The following CCDC83 variants were observed in gnomAD, a reference collection of about 807,000 sequenced individuals.
CCDC83 encodes coiled-coil domain containing 83.
Under a neutral mutation model 50.1 loss-of-function variants are expected in CCDC83, and 54 were observed. That is an observed-to-expected ratio of 1.08 (90% CI 0.87 to 1.35). The LOEUF (loss-of-function observed/expected upper bound fraction) is 1.35, where lower values mean the gene tolerates loss of function less well. Ranked by LOEUF, CCDC83 falls within the 40% of genes most tolerant of loss-of-function variation. The pLI, the probability that CCDC83 is intolerant of heterozygous loss-of-function variation, is 0.00. For missense variants in CCDC83, 518 were observed against 473.9 expected (o/e 1.09, Z -0.86); for synonymous variants, 161 against 153.3 (o/e 1.05, Z -0.37).
intron 7 of CCDC83, 152 bp from the exon 8 acceptor site, chr11:85,911,129 C>A: frequency 3.6e-6 from 2 of 548,668 alleles, no homozygotes; most frequent in Non-Finnish European, 5.6e-6. Flanking sequence ...CAAGATTGCA[C>A]CACCGCACTC....
rs111362995 is a variant in CCDC83 at position 85,901,906 on chromosome 11, C to CTG, written c.672+2894_672+2895dup. On this transcript the variant is annotated intron_variant, in intron 7 of 10. Coordinates refer to ENST00000342404, the MANE Select transcript of CCDC83 (RefSeq NM_001286159.2). ...ATTAGCCAGGCATGGTGGTGCAGGC[C>CTG]TGTGGTCTCAGCTACTCAGGAGGCT... Among the ~76,000 whole-genome samples the CTG allele has an allele frequency of 7.2e-4, 110 of 152,140 alleles. 1 individual carries two copies. The highest frequency in any genetic ancestry group is 2.5e-3 in the African/African-American group (105 of 41,522).
Position 85,873,308 on chromosome 11 carries a change from T to C in CCDC83, c.180+13T>C. ...ATATCATGAAAGAGTGAGTATAAAATTTAGAACCTATATATAGTCATTAAA... is the reference window on the plus strand; with the variant it reads ...ATATCATGAAAGAGTGAGTATAAAACTTAGAACCTATATATAGTCATTAAA... On this transcript the variant is annotated intron_variant, in intron 3 of 10. Transcript: ENST00000342404. 8.5e-7 allele frequency: 1 copy of C among 1,181,832 alleles called. No homozygotes were observed. The highest frequency in any genetic ancestry group is 1.2e-6 in the Non-Finnish European group (1 of 819,946). 73.2% of individuals were successfully genotyped at this position (1,181,832 alleles called of 1,614,324 possible). A position where few individuals can be genotyped will look rare whatever the true frequency, so the allele number is the denominator to read the frequency against.
At chr11:85,864,946 C>T in intron 1 of CCDC83, 150 bp from the exon 2 acceptor site, 1 of 548,308 alleles carries the variant, frequency 1.8e-6, no homozygotes, top group Non-Finnish European at 3.2e-6. Flanking sequence ...CATGATGTTC[C>T]ACCATTGTGG....
At chr11:85,878,609 T>C (rs2093281459) in intron 3 of CCDC83, among the ~76,000 whole-genome samples, 1 of 152,264 alleles carries the variant, frequency 6.6e-6, no homozygotes, top group Non-Finnish European at 1.5e-5. Flanking sequence ...TTTCCAGTTA[T>C]TGGACATTTT....
Position 85,911,380 on chromosome 11 carries a change from CT to C in CCDC83, c.774del (p.Val259TrpfsTer17). On this transcript the variant is annotated frameshift_variant, in exon 8 of 11. Transcript: ENST00000342404. LOFTEE classifies it high-confidence loss of function. Reference sequence around the variant, plus strand: ...TATTGATCAACTATCCAACTGTAGACTTGTGGATCTCAAGATACCCAGGTGA... The same window carrying C: ...TATTGATCAACTATCCAACTGTAGACTGTGGATCTCAAGATACCCAGGTGA... ...VLIDQLSNCR[L>X]VDLKIPRRLY... 1 of 1,606,874 alleles carries C rather than the reference CT, an allele frequency of 6.2e-7. No homozygotes were observed. Among genetic ancestry groups the C allele is most frequent in the South Asian group, 1.1e-5 (1 of 89,258 alleles).
chr11:85,912,207 G>C (rs2093457704), intron 8 of CCDC83, among the ~76,000 whole-genome samples: 1 of 152,162 alleles, frequency 6.6e-6, no homozygotes, highest in Non-Finnish European at 1.5e-5. Context: ...GAACCTGGTG[G>C]AATAGCCAGG....
chr11:85,919,376 G>C lies in CCDC83; in HGVS notation c.1108G>C (p.Val370Leu). ...TTATGTAAACTTGGGCCCCCTGGGA[G>C]TGAAGCTTATGAGTGTGGAGAGCAA... ...KDYVNLGPLG[V>L]KLMSVESKKM... is the part of the protein sequence containing the mutation. The change falls in exon 11 of 11, where the codon GTG becomes CTG. Residue 370 changes from valine to leucine, a missense_variant. Coordinates refer to ENST00000342404, the MANE Select transcript of CCDC83 (RefSeq NM_001286159.2). 1 of 1,609,540 alleles carries C rather than the reference G, an allele frequency of 6.2e-7. No individual in the cohort carries two copies. The highest frequency in any genetic ancestry group is 1.1e-5 in the South Asian group (1 of 90,070).
chr11:85,860,548 G>A (rs889090153), intron 1 of CCDC83, among the ~76,000 whole-genome samples: 3 of 152,106 alleles, frequency 2.0e-5, no homozygotes, highest in African/African-American at 7.2e-5. Context: ...GCTGGTGGGA[G>A]TATTAAAGAA....
At chr11:85,911,470 T>TA in intron 8 of CCDC83, 68 bp downstream of exon 8, 1 of 1,328,704 alleles carries the variant, frequency 7.5e-7, no homozygotes, top group Non-Finnish European at 1.0e-6. Flanking sequence ...GTTGTTTTTT[T>TA]AAAACAAAAA....
At position 85,875,961 on chromosome 11, in the gene CCDC83, A is replaced by G. The variant is rs188637775; in HGVS notation, c.180+2666A>G. 3.9e-3 allele frequency among the ~76,000 whole-genome samples: 597 copies of G among 152,182 alleles called. 2 individuals are homozygous for G. The highest frequency in any genetic ancestry group is 8.9e-3 in the Admixed American group (136 of 15,280). ...CTTTCATTCCTACTATTCCACCACA[A>G]CTGCTCTAGCAAAAGTTATTAATGA... On this transcript the variant is annotated intron_variant, in intron 3 of 10. Transcript: ENST00000342404.
intron 1 of CCDC83, 150 bp from the exon 2 acceptor site, chr11:85,864,946 C>G (rs897680832): frequency 1.8e-5 from 10 of 548,190 alleles, no homozygotes; most frequent in African/African-American, 1.7e-4. Context: ...CATGATGTTC[C>G]ACCATTGTGG....
At chr11:85,904,623 T>C (rs530899776) in intron 7 of CCDC83, among the ~76,000 whole-genome samples, 130 of 152,342 alleles carry the variant, frequency 8.5e-4, no homozygotes, top group Non-Finnish European at 1.5e-3. Flanking sequence ...CTGATGTGTG[T>C]CCTCGTCTCT....
At chr11:85,900,209 G>GA (rs1336613397) in intron 7 of CCDC83, among the ~76,000 whole-genome samples, 1 of 152,186 alleles carries the variant, frequency 6.6e-6, no homozygotes, top group Non-Finnish European at 1.5e-5. Flanking sequence ...TTGATGATCT[G>GA]AATAGGGAGC....
At chr11:85,874,131 T>A (rs998859275) in intron 3 of CCDC83, among the ~76,000 whole-genome samples, 1 of 152,206 alleles carries the variant, frequency 6.6e-6, no homozygotes, top group African/African-American at 2.4e-5. Flanking sequence ...GTCTCCCCCA[T>A]AGGGCTAATT....
intron 7 of CCDC83, among the ~76,000 whole-genome samples, chr11:85,903,066 C>T (rs2093409290): frequency 6.6e-6 from 1 of 151,892 alleles, no homozygotes; most frequent in Non-Finnish European, 1.5e-5. Context: ...ACCCCCATCT[C>T]TACTAAAAAT....
intron 7 of CCDC83, among the ~76,000 whole-genome samples, chr11:85,908,551 TTAGATAGATAGATAGATAGA>T (rs58433339): frequency 8.4e-4 from 115 of 137,532 alleles, no homozygotes; most frequent in East Asian, 2.0e-3. Flanking sequence ...GACTAGATGA[TTAGATAGATAGATAGATAGA>T]TAGATAGATA....
rs901611739 is a variant in CCDC83, at chr11:85,886,385, T to C, written c.511+18T>C. On this transcript the variant is annotated intron_variant, in intron 5 of 10. Transcript: ENST00000342404. ...AATGTCAGGTCAGTTGCAACAAAAC[T>C]AGTTCAAGTTCAGTAAAAAACATCT... 6 of 1,561,774 alleles carry C rather than the reference T, an allele frequency of 3.8e-6. No homozygotes were observed. The highest frequency in any genetic ancestry group is 5.2e-6 in the Non-Finnish European group (6 of 1,156,644).
chr11:85,902,903 G>A (rs1470165892), intron 7 of CCDC83, among the ~76,000 whole-genome samples: 1 of 152,032 alleles, frequency 6.6e-6, no homozygotes, highest in African/African-American at 2.4e-5. Context: ...TTGCATCCCA[G>A]GAATACTGCA....
chr11:85,857,041 G>A (rs1054060505), intron 1 of CCDC83, among the ~76,000 whole-genome samples: 5 of 152,138 alleles, frequency 3.3e-5, no homozygotes, highest in African/African-American at 4.8e-5. Context: ...TCCCCAGATC[G>A]AGGCTTGGGC....
Sources: gnomAD v4.1 joint callset for allele counts (sites outside exome capture counted in the v4.1 genomes callset) on GRCh38, gnomAD v4.1.1 for gene constraint, MANE v1.5 for transcripts, NCBI Gene and HGNC (gene_info 2026-07-23, HGNC 2026-07-21) for gene names.